Variants in UNC5C observed in about 807,000 individuals in gnomAD.
UNC5C encodes the protein netrin receptor UNC5C.
UNC5C carries 47 observed loss-of-function variants against 99.8 expected under a neutral mutation model. The ratio of observed to expected loss-of-function variants is 0.47; its 90% CI spans 0.37 to 0.60. The LOEUF (loss-of-function observed/expected upper bound fraction) is 0.60. Ranked by LOEUF, UNC5C falls within the 20% of genes least tolerant of loss-of-function variation. UNC5C has a pLI of 0.00. For synonymous variants in UNC5C, 487 were observed against 452.2 expected, an observed-to-expected ratio of 1.08 and a Z score of -0.98; for missense variants, 1,062 against 1,165.9, an observed-to-expected ratio of 0.91 and a Z score of 1.30.
At chr4:95,200,869 C>G (rs1030174266) in intron 12 of UNC5C, among the ~76,000 whole-genome samples, 2 of 152,012 alleles carry the variant, frequency 1.3e-5, no homozygotes, top group African/African-American at 2.4e-5. Flanking sequence ...CTGTGCCCCC[C>G]CCAAATTCAT....
chr4:95,483,009 TA>T (rs1481390504), intron 1 of UNC5C, among the ~76,000 whole-genome samples: 1 of 26,576 alleles, frequency 3.8e-5, no homozygotes, highest in East Asian at 1.1e-3. Flanking sequence ...TAAAGTATAA[TA>T]ATAATAATAA....
chr4:95,542,641 C>A (rs1722948201), intron 1 of UNC5C, among the ~76,000 whole-genome samples: 1 of 152,102 alleles, frequency 6.6e-6, no homozygotes, highest in Non-Finnish European at 1.5e-5. Flanking sequence ...AAACAAAAAA[C>A]CACAGTACAA....
intron 1 of UNC5C, among the ~76,000 whole-genome samples, chr4:95,537,174 A>G (rs1397672078): frequency 6.6e-6 from 1 of 152,196 alleles, no homozygotes; most frequent in African/African-American, 2.4e-5. Flanking sequence ...AAATATAAAT[A>G]AATAAAAGAT....
chr4:95,249,080 T>A (rs1414205536), intron 5 of UNC5C, among the ~76,000 whole-genome samples: 1 of 152,238 alleles, frequency 6.6e-6, no homozygotes, highest in Non-Finnish European at 1.5e-5. Context: ...TTTGTTACAG[T>A]TTCCTACAGT....
intron 1 of UNC5C, among the ~76,000 whole-genome samples, chr4:95,532,654 A>C (rs956626804): frequency 1.3e-5 from 2 of 152,104 alleles, no homozygotes; most frequent in Admixed American, 1.3e-4. Context: ...GAATCTGAGG[A>C]ATTAACACTT....
intron 2 of UNC5C, among the ~76,000 whole-genome samples, chr4:95,328,467 G>T (rs1742987407): frequency 7.5e-6 from 1 of 132,924 alleles, no homozygotes; most frequent in African/African-American, 2.6e-5. Context: ...GTCTATCATT[G>T]TTGGACATTT....
chr4:95,191,569 C>T (rs1579215091), intron 12 of UNC5C, among the ~76,000 whole-genome samples: 4 of 151,684 alleles, frequency 2.6e-5, no homozygotes, highest in African/African-American at 4.8e-5. Context: ...TGTGCTCACC[C>T]TCCTCCTCTA....
intron 4 of UNC5C, among the ~76,000 whole-genome samples, chr4:95,276,875 A>C (rs1740882036): frequency 6.6e-6 from 1 of 152,210 alleles, no homozygotes; most frequent in Non-Finnish European, 1.5e-5. Flanking sequence ...AAGGAATTTC[A>C]TTAAAATTTC....
chr4:95,411,191 G>T (rs779350036), intron 1 of UNC5C, among the ~76,000 whole-genome samples: 61 of 152,206 alleles, frequency 4.0e-4, no homozygotes, highest in South Asian at 2.9e-3. Flanking sequence ...CAATGTCTTG[G>T]CATATCTAAC....
At chr4:95,270,605 C>T (rs1740622803) in intron 4 of UNC5C, among the ~76,000 whole-genome samples, 1 of 152,144 alleles carries the variant, frequency 6.6e-6, no homozygotes, top group African/African-American at 2.4e-5. Context: ...CATACATAGG[C>T]CATATTGCAG....
intron 1 of UNC5C, among the ~76,000 whole-genome samples, chr4:95,396,480 T>C (rs905581142): frequency 6.6e-6 from 1 of 152,134 alleles, no homozygotes; most frequent in African/African-American, 2.4e-5. Context: ...ATGATGATGA[T>C]AGCAGCAGGA....
rs192883933 is a variant in UNC5C, at chr4:95,216,287, G to A, written c.1646-76C>T. 1.8e-3 allele frequency: 2,123 copies of A among 1,148,094 alleles called. 6 individuals carry two copies. Among genetic ancestry groups the A allele is most frequent in the Non-Finnish European group, 1.7e-3 (1,370 of 789,042 alleles). The allele number at this position is 1,148,094 out of a possible 1,614,324, so 71.1% of individuals were successfully genotyped here. A position where few individuals can be genotyped will look rare whatever the true frequency, so the allele number is the denominator to read the frequency against. ...AAGGGAATGAGGAGATTTTGTGACC[G>A]CGCAGCCATAAGCCTGCTTCATTTT... On this transcript the variant is annotated intron_variant, in intron 9 of 15. Coordinates refer to ENST00000453304, the MANE Select transcript of UNC5C (RefSeq NM_003728.4).
intron 1 of UNC5C, among the ~76,000 whole-genome samples, chr4:95,473,320 T>C (rs978159632): frequency 2.0e-5 from 3 of 152,142 alleles, no homozygotes; most frequent in Non-Finnish European, 4.4e-5. Context: ...TCTTCATCCA[T>C]GGTAACCTGG....
intron 1 of UNC5C, among the ~76,000 whole-genome samples, chr4:95,353,461 AG>A (rs1159659660): frequency 1.3e-5 from 2 of 152,008 alleles, no homozygotes; most frequent in Non-Finnish European, 2.9e-5. Flanking sequence ...GCAAAATTAA[AG>A]AACCTCAAGT....
chr4:95,175,202 G>A (rs1329717607), intron 14 of UNC5C, among the ~76,000 whole-genome samples: 1 of 149,678 alleles, frequency 6.7e-6, no homozygotes, highest in African/African-American at 2.4e-5. Context: ...TATCCAATTT[G>A]CCAGTCTGTG....
At chr4:95,219,932 T>G in intron 8 of UNC5C, 53 bp downstream of exon 8, 1 of 1,559,430 alleles carries the variant, frequency 6.4e-7, no homozygotes, top group Non-Finnish European at 8.7e-7. Context: ...TCATTGATTT[T>G]GAAACTGCTT....
In UNC5C at chr4:95,320,434, AAAAAGAAAAG is replaced by A. The variant is rs1232832929; in HGVS notation, c.346+14966_346+14975del. 4.7e-4 allele frequency among the ~76,000 whole-genome samples: 68 copies of A among 143,384 alleles called. 1 individual carries two copies. Among genetic ancestry groups the A allele is most frequent in the Admixed American group, 7.2e-4 (10 of 13,860 alleles). 94.1% of individuals were successfully genotyped at this position (143,384 alleles called of 152,430 possible). A position where few individuals can be genotyped will look rare whatever the true frequency, so the allele number is the denominator to read the frequency against. Reference sequence around the variant, plus strand: ...AGAAATTCCATCTCAAAAAAAAAAAAAAAAGAAAAGAAAAGAAAAGAAAGTAAAAGAGACT... The same window carrying A: ...AGAAATTCCATCTCAAAAAAAAAAAAAAAAGAAAAGAAAGTAAAAGAGACT... On this transcript the variant is annotated intron_variant, in intron 2 of 15. Transcript: ENST00000453304.
chr4:95,190,137 TAC>T (rs1737010889), intron 12 of UNC5C, among the ~76,000 whole-genome samples: 1 of 152,170 alleles, frequency 6.6e-6, no homozygotes. Context: ...GTGGCACATA[TAC>T]ACACGAAATA....
intron 1 of UNC5C, among the ~76,000 whole-genome samples, chr4:95,473,355 T>C (rs1291520691): frequency 1.3e-5 from 2 of 152,144 alleles, no homozygotes; most frequent in African/African-American, 4.8e-5. Flanking sequence ...TTTACATCTG[T>C]GAATGGAAAG....
Sources: gnomAD v4.1 joint callset for allele counts (sites outside exome capture counted in the v4.1 genomes callset) on GRCh38, gnomAD v4.1.1 for gene constraint, MANE v1.5 for transcripts, NCBI Gene and HGNC (gene_info 2026-07-23, HGNC 2026-07-21) for gene names.